The following POU2AF2 variants were observed in gnomAD, a reference collection of about 807,000 sequenced individuals.
POU2AF2 encodes POU class 2 homeobox associating factor 2.
At chr11:111,265,287 A>AT in the POU2AF2 span, among the ~76,000 whole-genome samples, 1 of 152,070 alleles carries the variant, frequency 6.6e-6, no homozygotes, top group African/African-American at 2.4e-5. Flanking sequence ...CCTCCGGAAT[A>AT]TTTTTCTGCT....
chr11:111,280,769 C>T, the POU2AF2 span, among the ~76,000 whole-genome samples: 1 of 152,104 alleles, frequency 6.6e-6, no homozygotes, highest in Non-Finnish European at 1.5e-5. Context: ...AGTAAACGTT[C>T]TCAACTTAAT....
At chr11:111,252,477 T>G in the POU2AF2 span, among the ~76,000 whole-genome samples, 1 of 152,074 alleles carries the variant, frequency 6.6e-6, no homozygotes, top group African/African-American at 2.4e-5. Flanking sequence ...TTGACTTGTC[T>G]GTCTGGCTTT....
the POU2AF2 span, among the ~76,000 whole-genome samples, chr11:111,264,243 C>T: frequency 6.6e-6 from 1 of 151,972 alleles, no homozygotes; most frequent in African/African-American, 2.4e-5. Context: ...CGTCTGTAAT[C>T]CCAGCACTTT....
the POU2AF2 span, among the ~76,000 whole-genome samples, chr11:111,255,363 C>T: frequency 6.6e-6 from 1 of 152,160 alleles, no homozygotes; most frequent in East Asian, 1.9e-4. Flanking sequence ...AGTAAGTGCT[C>T]AATAAATATT....
the POU2AF2 span, among the ~76,000 whole-genome samples, chr11:111,247,189 C>CAGAGAGAGAGAGAGAGAGAG: frequency 5.9e-3 from 204 of 34,362 alleles, 1 homozygote; most frequent in South Asian, 0.022. Flanking sequence ...CATACACACA[C>CAGAGAGAGAGAGAGAGAGAG]ACAGAGAGAG....
At chr11:111,254,071 T>G in the POU2AF2 span, among the ~76,000 whole-genome samples, 1 of 152,236 alleles carries the variant, frequency 6.6e-6, no homozygotes, top group Admixed American at 6.5e-5. Flanking sequence ...CCCCACTAGA[T>G]AGCCATGTTC....
At chr11:111,274,347 TTA>T in the POU2AF2 span, among the ~76,000 whole-genome samples, 1 of 152,248 alleles carries the variant, frequency 6.6e-6, no homozygotes, top group Non-Finnish European at 1.5e-5. Flanking sequence ...GCAGCATTAA[TTA>T]TATATATAAA....
the POU2AF2 span, among the ~76,000 whole-genome samples, chr11:111,268,481 TATTTTATTTTATTTTATTTTATTTTA>T: frequency 5.0e-4 from 52 of 103,122 alleles, 1 homozygote; most frequent in East Asian, 1.7e-3. Context: ...TTTCTTTTTT[TATTTTATTTTATTTTATTTTATTTTA>T]TTTTATTTTA....
chr11:111,264,424 AG>A, the POU2AF2 span, among the ~76,000 whole-genome samples: 1 of 151,576 alleles, frequency 6.6e-6, no homozygotes, highest in Non-Finnish European at 1.5e-5. Context: ...TGAACCCGGG[AG>A]GCGGAGGTTG....
the POU2AF2 span, among the ~76,000 whole-genome samples, chr11:111,273,028 TC>T: frequency 6.6e-6 from 1 of 152,222 alleles, no homozygotes; most frequent in Non-Finnish European, 1.5e-5. Flanking sequence ...AGAGTATTTT[TC>T]TTATTTACAA....
the POU2AF2 span, among the ~76,000 whole-genome samples, chr11:111,269,029 G>C: frequency 6.6e-6 from 1 of 151,956 alleles, no homozygotes; most frequent in Non-Finnish European, 1.5e-5. Flanking sequence ...ATGAATGCCA[G>C]CAGAAGAATC....
At chr11:111,285,700 C>A in the POU2AF2 span, 1 of 1,613,816 alleles carries the variant, frequency 6.2e-7, no homozygotes, top group Non-Finnish European at 8.5e-7. Context: ...GCCAGCCTGA[C>A]CCTGTGTCTG....
the POU2AF2 span, among the ~76,000 whole-genome samples, chr11:111,276,337 C>T: frequency 6.6e-6 from 1 of 150,744 alleles, no homozygotes; most frequent in Non-Finnish European, 1.5e-5. Context: ...GTGGCTCCTA[C>T]CTGTAATCCC....
At chr11:111,265,855 C>A in the POU2AF2 span, among the ~76,000 whole-genome samples, 1 of 131,376 alleles carries the variant, frequency 7.6e-6, no homozygotes. Context: ...GGTTTGAAAA[C>A]TTTATTCCTA....
chr11:111,264,570 AAGAAAGGGAG>A, the POU2AF2 span, among the ~76,000 whole-genome samples: 1,056 of 32,246 alleles, frequency 0.033, 146 homozygotes, highest in Non-Finnish European at 0.045. Context: ...GAAAGAAAGA[AAGAAAGGGAG>A]AGAGAAAGAC....
At chr11:111,269,019 A>C in the POU2AF2 span, among the ~76,000 whole-genome samples, 1 of 151,968 alleles carries the variant, frequency 6.6e-6, no homozygotes, top group Non-Finnish European at 1.5e-5. Context: ...CTACTTTTTC[A>C]TGAATGCCAG....
the POU2AF2 span, among the ~76,000 whole-genome samples, chr11:111,259,192 G>C: frequency 6.6e-6 from 1 of 151,956 alleles, no homozygotes; most frequent in African/African-American, 2.4e-5. Context: ...CTAACCCCGA[G>C]ATTGATATTT....
At chr11:111,248,091 T>G in the POU2AF2 span, among the ~76,000 whole-genome samples, 5 of 152,010 alleles carry the variant, frequency 3.3e-5, no homozygotes, top group African/African-American at 1.2e-4. Flanking sequence ...TTTCACCGTG[T>G]TAGCCAGGAT....
the POU2AF2 span, among the ~76,000 whole-genome samples, chr11:111,264,007 G>T: frequency 0.058 from 8,876 of 152,278 alleles, 432 homozygotes; most frequent in Admixed American, 0.15. Context: ...AGTGATGTTT[G>T]TTAGAATTCA....
Sources: allele counts gnomAD v4.1 joint callset (sites outside exome capture counted in the v4.1 genomes callset), GRCh38; gene constraint gnomAD v4.1.1; transcripts MANE v1.5; gene names NCBI Gene and HGNC (gene_info 2026-07-23, HGNC 2026-07-21).